AAK1: variants seen among roughly 807,000 people sequenced by gnomAD.
AAK1 encodes the protein AP2 associated kinase 1, also known as AP2-associated protein kinase 1.
A neutral mutation model predicts 116.0 loss-of-function variants in AAK1; 37 were observed. The observed-to-expected ratio is 0.32, with a 90% CI of 0.25 to 0.42. AAK1 has a LOEUF of 0.42. AAK1 is among the 10% of genes least tolerant of loss of function. The probability of loss-of-function intolerance (pLI) is 1.00; values close to 1 mark genes in which losing one functional copy is unlikely to be tolerated. For synonymous variants in AAK1, 458 were observed against 439.9 expected, an observed-to-expected ratio of 1.04 and a Z score of -0.51; for missense variants, 919 against 1,170.6, an observed-to-expected ratio of 0.79 and a Z score of 3.14.
chr2:69,587,710 C>T (rs1159502703), intron 2 of AAK1, among the ~76,000 whole-genome samples: 1 of 152,052 alleles, frequency 6.6e-6, no homozygotes, highest in Non-Finnish European at 1.5e-5. Context: ...AGGTGATCCA[C>T]CTGCCTCAGC....
At chr2:69,622,396 C>T (rs1212207274) in intron 2 of AAK1, among the ~76,000 whole-genome samples, 8 of 152,222 alleles carry the variant, frequency 5.3e-5, no homozygotes, top group Admixed American at 5.2e-4. Context: ...CGCCCGGTCC[C>T]ATCAACTGCC....
At chr2:69,512,915 A>G (rs1341778670) in intron 13 of AAK1, among the ~76,000 whole-genome samples, 1 of 152,218 alleles carries the variant, frequency 6.6e-6, no homozygotes, top group Non-Finnish European at 1.5e-5. Flanking sequence ...TTAAACACAG[A>G]TCAGGATTCT....
At chr2:69,492,328 C>T (rs1558906080) in intron 17 of AAK1, among the ~76,000 whole-genome samples, 1 of 151,798 alleles carries the variant, frequency 6.6e-6, no homozygotes. Flanking sequence ...ATTCTTCTGC[C>T]TCAGCCTCCT....
intron 2 of AAK1, among the ~76,000 whole-genome samples, chr2:69,596,970 G>A (rs1673324695): frequency 6.6e-6 from 1 of 152,036 alleles, no homozygotes; most frequent in African/African-American, 2.4e-5. Context: ...TTTAGGAGGT[G>A]GCTGTTTTGT....
At chr2:69,521,446 G>A (rs781278071) in intron 10 of AAK1, among the ~76,000 whole-genome samples, 1 of 152,208 alleles carries the variant, frequency 6.6e-6, no homozygotes, top group African/African-American at 2.4e-5. Context: ...AGCTGTTAAA[G>A]TGGTCTCTCT....
chr2:69,552,993 A>T (rs1671241456), intron 3 of AAK1, among the ~76,000 whole-genome samples: 1 of 152,160 alleles, frequency 6.6e-6, no homozygotes, highest in South Asian at 2.1e-4. Context: ...GCAAAATGAC[A>T]AAGAAATATA....
At chr2:69,532,003 A>G (rs766548840) in intron 6 of AAK1, 38 bp downstream of exon 6, 1 of 1,609,758 alleles carries the variant, frequency 6.2e-7, no homozygotes, top group Non-Finnish European at 8.5e-7. Flanking sequence ...TGCTCATCTG[A>G]TTGTGGACAA....
intron 3 of AAK1, among the ~76,000 whole-genome samples, chr2:69,550,140 T>A (rs113696156): frequency 0.015 from 2,220 of 152,296 alleles, 30 homozygotes; most frequent in South Asian, 0.022. Flanking sequence ...TCAAAACACC[T>A]GGCCAAAGTC....
chr2:69,515,580 C>T lies in AAK1; in HGVS notation c.1498-831G>A, dbSNP rs113873515. 6.5e-3 allele frequency among the ~76,000 whole-genome samples: 997 copies of T among 152,230 alleles called. 9 individuals carry two copies. Among genetic ancestry groups the T allele is most frequent in the African/African-American group, 0.023 (950 of 41,526 alleles). ...CTGGGCTCAAGCAATCCTCCCGCTT[C>T]GGCCTCTGAAGATGCTGAGATTACA... is the stretch of plus-strand genomic sequence containing the variant. On this transcript the variant is annotated intron_variant, in intron 12 of 21. Transcript: ENST00000409085.
intron 3 of AAK1, among the ~76,000 whole-genome samples, chr2:69,553,185 A>G (rs1671247407): frequency 6.6e-6 from 1 of 152,146 alleles, no homozygotes; most frequent in South Asian, 2.1e-4. Flanking sequence ...TGCATACACA[A>G]AGGCATATCA....
chr2:69,490,851 A>T (rs1243514705), intron 17 of AAK1, among the ~76,000 whole-genome samples: 1 of 152,128 alleles, frequency 6.6e-6, no homozygotes, highest in Non-Finnish European at 1.5e-5. Flanking sequence ...TAAAAGAATG[A>T]TTTAAAAATA....
At chr2:69,560,987 T>C (rs192559082) in intron 2 of AAK1, among the ~76,000 whole-genome samples, 31 of 150,116 alleles carry the variant, frequency 2.1e-4, no homozygotes, top group Admixed American at 1.2e-3. Flanking sequence ...ATTGTTGCCA[T>C]GTGGGAATAT....
At chr2:69,587,211 A>C (rs1450276056) in intron 2 of AAK1, among the ~76,000 whole-genome samples, 2 of 151,658 alleles carry the variant, frequency 1.3e-5, no homozygotes, top group African/African-American at 2.4e-5. Context: ...CAGCCTCTCG[A>C]ATAGCTAGGA....
At chr2:69,620,386 T>C (rs541594189) in intron 2 of AAK1, among the ~76,000 whole-genome samples, 2 of 152,352 alleles carry the variant, frequency 1.3e-5, no homozygotes, top group South Asian at 4.1e-4. Context: ...TCTAGCCTGG[T>C]GCCTCTTCCC....
chr2:69,630,339 G>GA (rs1559017482), intron 2 of AAK1, among the ~76,000 whole-genome samples: 1 of 113,590 alleles, frequency 8.8e-6, no homozygotes, highest in Non-Finnish European at 1.9e-5. Context: ...GGGGCGGGGG[G>GA]TGGGGGGGGA....
At chr2:69,548,556 CTT>C (rs372341338) in intron 3 of AAK1, among the ~76,000 whole-genome samples, 4 of 144,960 alleles carry the variant, frequency 2.8e-5, no homozygotes, top group South Asian at 4.4e-4. Flanking sequence ...CTTCCTCTTT[CTT>C]TCTTTTCTTT....
At position 69,544,347 on chromosome 2, in the gene AAK1, C is replaced by T. The variant is rs773820670; in HGVS notation, c.391+89G>A. 5 of 935,426 alleles carry T rather than the reference C, an allele frequency of 5.3e-6. No individual in the cohort carries two copies. The African/African-American group carries it at 6.5e-5, about 12-fold the overall frequency. The allele number at this position is 935,426 out of a possible 1,614,324, so 57.9% of individuals were successfully genotyped here. A position where few individuals can be genotyped will look rare whatever the true frequency, so the allele number is the denominator to read the frequency against. On this transcript the variant is annotated intron_variant, in intron 4 of 21. Transcript: ENST00000409085. ...TCAAACCAGAACATATCATAGAGTG[C>T]AGTGCACATTAAGTGAAATGACCAC...
At chr2:69,477,373 G>A (rs1349941773) in intron 20 of AAK1, among the ~76,000 whole-genome samples, 1 of 152,088 alleles carries the variant, frequency 6.6e-6, no homozygotes, top group Non-Finnish European at 1.5e-5. Flanking sequence ...ACTCAAAACC[G>A]GGGCTTGGGG....
intron 17 of AAK1, among the ~76,000 whole-genome samples, chr2:69,486,545 T>C (rs1369177496): frequency 1.3e-5 from 2 of 152,096 alleles, no homozygotes; most frequent in Non-Finnish European, 2.9e-5. Flanking sequence ...GCCATGTCTA[T>C]GTAAGGTGGA....
Sources: allele counts gnomAD v4.1 joint callset (sites outside exome capture counted in the v4.1 genomes callset), GRCh38; gene constraint gnomAD v4.1.1; transcripts MANE v1.5; gene names NCBI Gene and HGNC (gene_info 2026-07-23, HGNC 2026-07-21).